Variants in ITGBL1 observed in about 807,000 individuals in gnomAD.
The protein encoded by ITGBL1 is integrin subunit beta like 1, also known as integrin beta-like protein 1.
A neutral mutation model predicts 68.5 loss-of-function variants in ITGBL1; 51 were observed. That is an observed-to-expected ratio of 0.74 (90% CI 0.59 to 0.94). ITGBL1 has a LOEUF of 0.94. ITGBL1 is among the 40% of genes least tolerant of loss of function. The pLI is 0.00. For missense variants in ITGBL1, 649 were observed against 647.4 expected (o/e 1.00, Z -0.03); for synonymous variants, 209 against 227.3 (o/e 0.92, Z 0.72).
chr13:101,615,239 T>C (rs2031305287), intron 7 of ITGBL1, among the ~76,000 whole-genome samples: 1 of 152,020 alleles, frequency 6.6e-6, no homozygotes, highest in Non-Finnish European at 1.5e-5. Flanking sequence ...ATAAGCACAA[T>C]AGTCTTCGGA....
chr13:101,530,824 C>T (rs1389748018), intron 2 of ITGBL1, among the ~76,000 whole-genome samples: 4 of 152,182 alleles, frequency 2.6e-5, no homozygotes, highest in Middle Eastern at 3.4e-3. Flanking sequence ...TGGGATATGT[C>T]GCATGTAAGC....
intron 7 of ITGBL1, among the ~76,000 whole-genome samples, chr13:101,686,447 C>G (rs555205646): frequency 6.6e-6 from 1 of 152,192 alleles, no homozygotes; most frequent in African/African-American, 2.4e-5. Flanking sequence ...TCTGGAAGGA[C>G]TTCAGACAAA....
chr13:101,506,052 A>C (rs2049022230), intron 2 of ITGBL1, among the ~76,000 whole-genome samples: 1 of 152,166 alleles, frequency 6.6e-6, no homozygotes, highest in Non-Finnish European at 1.5e-5. Context: ...GCTGCTTCTG[A>C]AGAGGTGGGC....
intron 2 of ITGBL1, among the ~76,000 whole-genome samples, chr13:101,551,428 G>T (rs1009922501): frequency 7.9e-5 from 12 of 152,166 alleles, no homozygotes; most frequent in Non-Finnish European, 1.5e-4. Flanking sequence ...GGGACCCAAA[G>T]AACCAGAAGG....
At chr13:101,673,663 A>G (rs1594971264) in intron 7 of ITGBL1, among the ~76,000 whole-genome samples, 1 of 152,180 alleles carries the variant, frequency 6.6e-6, no homozygotes, top group Admixed American at 6.5e-5. Flanking sequence ...TCCTATTACT[A>G]TTAATTTTAC....
intron 9 of ITGBL1, among the ~76,000 whole-genome samples, chr13:101,707,723 C>A (rs1470745171): frequency 7.3e-5 from 11 of 151,698 alleles, no homozygotes; most frequent in Admixed American, 5.9e-4. Context: ...CATTGTGGCT[C>A]ACACCTGTAA....
chr13:101,698,952 C>A (rs2034069190), intron 8 of ITGBL1, among the ~76,000 whole-genome samples: 1 of 152,092 alleles, frequency 6.6e-6, no homozygotes, highest in Admixed American at 6.6e-5. Context: ...TAATGAAGAG[C>A]CACCTCTTAA....
In ITGBL1 at chr13:101,567,683, G is replaced by A. The variant is rs1369280974; in HGVS notation, c.317-16G>A. The A allele has an allele frequency of 1.2e-6, 2 of 1,610,972 alleles. No homozygotes were observed. Among genetic ancestry groups the A allele is most frequent in the East Asian group, 2.2e-5 (1 of 44,808 alleles). ...GAAAACAATTTGAGTCTGACTAGAT[G>A]TTGTTCAATCCCCAGGCCATGGTAA... is the stretch of plus-strand genomic sequence containing the variant. On this transcript the variant is annotated splice_polypyrimidine_tract_variant and intron_variant, in intron 2 of 10. Coordinates refer to ENST00000376180, the MANE Select transcript of ITGBL1 (RefSeq NM_004791.3).
intron 7 of ITGBL1, among the ~76,000 whole-genome samples, chr13:101,686,784 A>G (rs1015040125): frequency 6.6e-6 from 1 of 152,134 alleles, no homozygotes; most frequent in Non-Finnish European, 1.5e-5. Context: ...CAACTATTTT[A>G]TAAACCCAGA....
intron 7 of ITGBL1, among the ~76,000 whole-genome samples, chr13:101,672,251 TTATC>T (rs1417106501): frequency 6.6e-6 from 1 of 152,238 alleles, no homozygotes; most frequent in African/African-American, 2.4e-5. Context: ...TTAGTTTTTA[TTATC>T]TATCTGTAGA....
chr13:101,591,287 C>T (rs1403073235), intron 6 of ITGBL1, among the ~76,000 whole-genome samples: 6 of 152,092 alleles, frequency 3.9e-5, no homozygotes, highest in Admixed American at 6.5e-5. Context: ...AAGCATAAAC[C>T]GTTACAAAAA....
chr13:101,504,863 A>G (rs769920790), intron 2 of ITGBL1, among the ~76,000 whole-genome samples: 19 of 152,214 alleles, frequency 1.2e-4, no homozygotes, highest in Non-Finnish European at 2.4e-4. Context: ...GCATTGCACC[A>G]TACTTGGAGA....
At chr13:101,678,916 A>ATT (rs36009434) in intron 7 of ITGBL1, among the ~76,000 whole-genome samples, 103 of 149,136 alleles carry the variant, frequency 6.9e-4, no homozygotes, top group South Asian at 3.6e-3. Context: ...ACTTTTTTTA[A>ATT]TTTTTTTTTT....
At chr13:101,492,100 C>A (rs928992842) in intron 2 of ITGBL1, among the ~76,000 whole-genome samples, 1 of 152,138 alleles carries the variant, frequency 6.6e-6, no homozygotes, top group African/African-American at 2.4e-5. Flanking sequence ...CATATGTGTG[C>A]ATGTGTCTTT....
rs533245891 is a variant in ITGBL1, at chr13:101,579,372, C to A, written c.672C>A (p.Pro224=). 2.2e-5 allele frequency: 35 copies of A among 1,613,922 alleles called. 1 individual carries two copies. The South Asian group carries it at 3.7e-4, about 17-fold the overall frequency. Residue 224 remains proline, a synonymous_variant, in exon 5 of 11, where the codon CCC becomes CCA. Transcript: ENST00000376180. The part of the protein sequence containing the change: ...DKCEFQCDIT[P]WESKRRCTSP... ...GTGAATTCCAGTGCGATATCACCCC[C>A]TGGGAAAGCAAGCGAAGATGCACGT... is the stretch of plus-strand genomic sequence containing the variant.
At chr13:101,612,266 G>A (rs1012959592) in intron 7 of ITGBL1, among the ~76,000 whole-genome samples, 2 of 152,096 alleles carry the variant, frequency 1.3e-5, no homozygotes, top group Non-Finnish European at 2.9e-5. Flanking sequence ...AGATTTGGAT[G>A]GTCTCTAGGG....
At chr13:101,636,513 G>A (rs1328367390) in intron 7 of ITGBL1, among the ~76,000 whole-genome samples, 1 of 152,066 alleles carries the variant, frequency 6.6e-6, no homozygotes, top group Non-Finnish European at 1.5e-5. Flanking sequence ...TAGACTATAG[G>A]CTTGTTAATA....
chr13:101,593,173 C>T (rs1303027739), intron 6 of ITGBL1, among the ~76,000 whole-genome samples: 1 of 151,908 alleles, frequency 6.6e-6, no homozygotes, highest in Non-Finnish European at 1.5e-5. Flanking sequence ...CACTAATTGT[C>T]AGGGAAATGC....
chr13:101,639,020 A>G (rs886917431), intron 7 of ITGBL1, among the ~76,000 whole-genome samples: 5 of 152,178 alleles, frequency 3.3e-5, no homozygotes, highest in African/African-American at 4.8e-5. Context: ...GGAAATGAAC[A>G]GTGTTATAGG....
Sources: gnomAD v4.1 joint callset for allele counts (sites outside exome capture counted in the v4.1 genomes callset) on GRCh38, gnomAD v4.1.1 for gene constraint, MANE v1.5 for transcripts, NCBI Gene and HGNC (gene_info 2026-07-23, HGNC 2026-07-21) for gene names.